LUZP2: variants seen among roughly 807,000 people sequenced by gnomAD.
The protein encoded by LUZP2 is leucine zipper protein 2.
A neutral mutation model predicts 51.6 loss-of-function variants in LUZP2; 52 were observed. The ratio of observed to expected loss-of-function variants is 1.01; its 90% CI spans 0.81 to 1.27. LUZP2 has a LOEUF of 1.27. Ranked by LOEUF, LUZP2 falls within the 50% of genes most tolerant of loss-of-function variation. LUZP2 has a pLI of 0.00. For missense variants in LUZP2, 436 were observed against 395.4 expected (o/e 1.10, Z -0.87); for synonymous variants, 154 against 137.3 (o/e 1.12, Z -0.85).
At chr11:24,667,230 C>T (rs570631532) in intron 1 of LUZP2, among the ~76,000 whole-genome samples, 2 of 142,700 alleles carry the variant, frequency 1.4e-5, no homozygotes, top group East Asian at 2.1e-4. Context: ...GTCACACAGG[C>T]TGGAGTGCAG....
chr11:24,576,742 G>A (rs995118374), intron 1 of LUZP2, among the ~76,000 whole-genome samples: 2 of 151,980 alleles, frequency 1.3e-5, no homozygotes, highest in Non-Finnish European at 2.9e-5. Flanking sequence ...AATTTTTAGA[G>A]TGTATATATA....
intron 7 of LUZP2, among the ~76,000 whole-genome samples, chr11:24,961,846 T>C (rs1471853039): frequency 4.0e-4 from 60 of 151,178 alleles, no homozygotes; most frequent in African/African-American, 1.4e-3. Flanking sequence ...CTAGTCTTGA[T>C]GGTCTTTACA....
intron 5 of LUZP2, among the ~76,000 whole-genome samples, chr11:24,802,298 A>G (rs550473851): frequency 6.6e-6 from 1 of 151,946 alleles, no homozygotes; most frequent in African/African-American, 2.4e-5. Context: ...TGTGTATACT[A>G]TATTTACCCA....
At chr11:24,594,171 A>G (rs894062539) in intron 1 of LUZP2, among the ~76,000 whole-genome samples, 4 of 152,338 alleles carry the variant, frequency 2.6e-5, no homozygotes, top group Middle Eastern at 3.4e-3. Flanking sequence ...AAAAATTTCA[A>G]TCAAGACAGA....
chr11:25,072,017 A>G (rs762664689), intron 10 of LUZP2, among the ~76,000 whole-genome samples: 3 of 152,026 alleles, frequency 2.0e-5, no homozygotes, highest in Non-Finnish European at 2.9e-5. Context: ...ATGTTTTAAA[A>G]TGTATAGAAA....
At chr11:24,718,263 C>G (rs1858131452) in intron 1 of LUZP2, among the ~76,000 whole-genome samples, 1 of 152,168 alleles carries the variant, frequency 6.6e-6, no homozygotes, top group African/African-American at 2.4e-5. Context: ...GTTCCGTATT[C>G]CAATACTTAA....
intron 1 of LUZP2, among the ~76,000 whole-genome samples, chr11:24,552,056 C>A (rs78444299): frequency 0.014 from 2,162 of 151,916 alleles, 42 homozygotes; most frequent in South Asian, 0.06. Context: ...ACAGAAAAAA[C>A]CCAAAAACTA....
intron 1 of LUZP2, among the ~76,000 whole-genome samples, chr11:24,596,209 C>G (rs1410076423): frequency 6.6e-6 from 1 of 152,202 alleles, no homozygotes; most frequent in Non-Finnish European, 1.5e-5. Flanking sequence ...AACCTCCCAC[C>G]TATCTTGCAC....
rs1054857264 is a variant in LUZP2, at chr11:25,071,980, C to T, written c.859-5349C>T. ...ATTCTTGTGCATCTAAACTATGTCA[C>T]GCACATACACTAAGCATATTGATTT... On this transcript the variant is annotated intron_variant, in intron 10 of 11. Coordinates refer to ENST00000336930, the MANE Select transcript of LUZP2 (RefSeq NM_001009909.4). 4.6e-5 allele frequency among the ~76,000 whole-genome samples: 7 copies of T among 152,132 alleles called. No individual in the cohort carries two copies. The South Asian group carries it at 8.3e-4, about 18-fold the overall frequency.
At chr11:24,636,986 G>A (rs1056772871) in intron 1 of LUZP2, among the ~76,000 whole-genome samples, 2 of 151,438 alleles carry the variant, frequency 1.3e-5, no homozygotes, top group Non-Finnish European at 1.5e-5. Context: ...AAAACTATCA[G>A]TGTTAAGGTG....
At chr11:24,850,058 T>G (rs1263739371) in intron 5 of LUZP2, among the ~76,000 whole-genome samples, 2 of 152,188 alleles carry the variant, frequency 1.3e-5, no homozygotes, top group African/African-American at 4.8e-5. Flanking sequence ...AAAATTTTCC[T>G]CCCATTCTGT....
chr11:24,717,775 A>G lies in LUZP2; in HGVS notation c.63-11394A>G, dbSNP rs565509303. On this transcript the variant is annotated intron_variant, in intron 1 of 11. Transcript: ENST00000336930. ...CCTCCCTTCACCCTCCATTAGACCC[A>G]AGTGTCTGTTTTCCCTTCTTTGTGT... Among the ~76,000 whole-genome samples, 224 of 151,656 alleles carry G rather than the reference A, an allele frequency of 1.5e-3. 1 individual carries two copies. Among genetic ancestry groups the G allele is most frequent in the Non-Finnish European group, 2.7e-3 (181 of 67,950 alleles).
At chr11:25,073,487 G>T (rs1859214633) in intron 10 of LUZP2, among the ~76,000 whole-genome samples, 1 of 152,012 alleles carries the variant, frequency 6.6e-6, no homozygotes, top group Non-Finnish European at 1.5e-5. Flanking sequence ...ACATTCCCTG[G>T]GTCTGGGCTG....
chr11:25,077,426 C>T lies in LUZP2; in HGVS notation c.936+20C>T, dbSNP rs757010756. 8.2e-6 allele frequency: 12 copies of T among 1,462,512 alleles called. No homozygotes were observed. Among genetic ancestry groups the T allele is most frequent in the African/African-American group, 4.2e-5 (3 of 71,606 alleles). 90.6% of individuals were successfully genotyped at this position (1,462,512 alleles called of 1,614,324 possible). A position where few individuals can be genotyped will look rare whatever the true frequency, so the allele number is the denominator to read the frequency against. On this transcript the variant is annotated intron_variant, in intron 11 of 11. Transcript: ENST00000336930. ...CCACAGGTATGTGTTTGTTTTATTT[C>T]GTTTGTGTCAAAAAGCATTTATTGG...
chr11:24,891,780 A>C (rs1852861938), intron 5 of LUZP2: 1 of 959,094 alleles, frequency 1.0e-6, no homozygotes, highest in Non-Finnish European at 1.2e-6. Flanking sequence ...TCCATAGATC[A>C]TACAAAGAGA....
At chr11:24,580,953 A>G (rs1404307843) in intron 1 of LUZP2, among the ~76,000 whole-genome samples, 1 of 152,076 alleles carries the variant, frequency 6.6e-6, no homozygotes, top group African/African-American at 2.4e-5. Flanking sequence ...TATAAGAAAA[A>G]AACTATTTTG....
At chr11:24,889,728 A>G (rs1413491026) in intron 5 of LUZP2, among the ~76,000 whole-genome samples, 3 of 152,190 alleles carry the variant, frequency 2.0e-5, no homozygotes, top group Admixed American at 6.5e-5. Flanking sequence ...ATTTCAAAAT[A>G]CTGAAATGTT....
At chr11:24,923,350 A>G (rs1854131447) in intron 7 of LUZP2, among the ~76,000 whole-genome samples, 1 of 152,142 alleles carries the variant, frequency 6.6e-6, no homozygotes, top group South Asian at 2.1e-4. Context: ...GTCAAACTTG[A>G]AAACTGAGTC....
chr11:25,041,595 C>A (rs559492638), intron 9 of LUZP2, among the ~76,000 whole-genome samples: 9 of 151,908 alleles, frequency 5.9e-5, no homozygotes, highest in Non-Finnish European at 1.2e-4. Context: ...TGATTATATA[C>A]GTATATAAAG....
Sources: allele counts gnomAD v4.1 joint callset (sites outside exome capture counted in the v4.1 genomes callset), GRCh38; gene constraint gnomAD v4.1.1; transcripts MANE v1.5; gene names NCBI Gene and HGNC (gene_info 2026-07-23, HGNC 2026-07-21).